The following OPHN1 variants were observed in gnomAD, a reference collection of about 807,000 sequenced individuals.
OPHN1 encodes the protein oligophrenin 1.
OPHN1 carries 11 observed loss-of-function variants against 60.7 expected under a neutral mutation model. That is an observed-to-expected ratio of 0.18 (90% confidence interval 0.11 to 0.30). The LOEUF is 0.30. OPHN1 is among the 10% of genes least tolerant of loss of function. OPHN1 has a pLI of 1.00. For missense variants in OPHN1, 449 were observed against 611.0 expected (o/e 0.73, Z 2.80); for synonymous variants, 226 against 222.6 (o/e 1.02, Z -0.14).
At chrX:68,355,774 C>T (rs1184080292) in intron 2 of OPHN1, among the ~76,000 whole-genome samples, 1 of 112,169 alleles carries the variant, frequency 8.9e-6, no homozygotes, top group Non-Finnish European at 1.9e-5. Flanking sequence ...TGCTGACTCA[C>T]ACCTGTAATC....
intron 15 of OPHN1, among the ~76,000 whole-genome samples, chrX:68,175,316 G>A (rs1217033349): frequency 9.0e-6 from 1 of 110,974 alleles, no homozygotes; most frequent in African/African-American, 3.3e-5. Context: ...TATTTTGAAA[G>A]GCAGAGAGAA....
chrX:68,397,524 A>ATTTTTTT (rs753432008), intron 2 of OPHN1, among the ~76,000 whole-genome samples: 1 of 31,556 alleles, frequency 3.2e-5, no homozygotes, highest in Non-Finnish European at 6.7e-5. Context: ...TTATTTATTT[A>ATTTTTTT]TTTTTTTTTT....
intron 2 of OPHN1, among the ~76,000 whole-genome samples, chrX:68,396,302 C>T (rs2078683378): frequency 9.9e-6 from 1 of 101,106 alleles, no homozygotes; most frequent in African/African-American, 3.6e-5. Flanking sequence ...CGGTGGCACA[C>T]GCCTGTGGTC....
At chrX:68,165,615 A>G (rs1052873064) in intron 15 of OPHN1, among the ~76,000 whole-genome samples, 2 of 112,303 alleles carry the variant, frequency 1.8e-5, no homozygotes, top group African/African-American at 6.5e-5. Context: ...GTAAAGTTTG[A>G]AATATTCCAA....
At chrX:68,267,751 T>G (rs753820261) in intron 5 of OPHN1, among the ~76,000 whole-genome samples, 2 of 111,731 alleles carry the variant, frequency 1.8e-5, no homozygotes, top group East Asian at 5.7e-4. Flanking sequence ...AGGAGCTGGT[T>G]TTTTGAAAAG....
chrX:68,350,470 TCCTC>T (rs376843734), intron 2 of OPHN1, among the ~76,000 whole-genome samples: 3,166 of 66,383 alleles, frequency 0.048, 291 homozygotes, highest in African/African-American at 0.22. Context: ...CTTCCTTCCT[TCCTC>T]CCTCCCTCCC....
chrX:68,082,839 G>A (rs1183503373), intron 19 of OPHN1, among the ~76,000 whole-genome samples: 1 of 111,534 alleles, frequency 9.0e-6, no homozygotes, highest in Non-Finnish European at 1.9e-5. Flanking sequence ...TTGCAGCTAT[G>A]AAAGTCCTAC....
chrX:68,217,652 C>A (rs950277004), intron 6 of OPHN1, among the ~76,000 whole-genome samples: 2 of 110,319 alleles, frequency 1.8e-5, no homozygotes, highest in African/African-American at 6.6e-5. Flanking sequence ...CTGGGAGGCA[C>A]CCCCCAGCAG....
chrX:68,315,275 G>T (rs2078194233), intron 2 of OPHN1, among the ~76,000 whole-genome samples: 1 of 108,927 alleles, frequency 9.2e-6, no homozygotes, highest in Non-Finnish European at 1.9e-5. Flanking sequence ...AAAGAAAGAG[G>T]GGGGAGAAGG....
At chrX:68,233,846 T>C (rs1484816986) in intron 6 of OPHN1, among the ~76,000 whole-genome samples, 2 of 111,436 alleles carry the variant, frequency 1.8e-5, no homozygotes, top group African/African-American at 6.5e-5. Flanking sequence ...AAGCACCATA[T>C]ACACATTAAA....
chrX:68,308,301 A>G (rs1276578625), intron 2 of OPHN1, among the ~76,000 whole-genome samples: 2 of 112,207 alleles, frequency 1.8e-5, no homozygotes, highest in Non-Finnish European at 3.8e-5. Context: ...CACAAAAAAT[A>G]AATTGGCTGG....
At chrX:68,216,348 TAGA>T (rs2077608807) in intron 6 of OPHN1, among the ~76,000 whole-genome samples, 1 of 110,907 alleles carries the variant, frequency 9.0e-6, no homozygotes, top group Non-Finnish European at 1.9e-5. Context: ...AAACAATAAG[TAGA>T]AGATGGTAAA....
intron 18 of OPHN1, among the ~76,000 whole-genome samples, 163 bp downstream of exon 18, chrX:68,111,691 T>C (rs1004987382): frequency 8.9e-6 from 1 of 111,862 alleles, no homozygotes; most frequent in Non-Finnish European, 1.9e-5. Context: ...AGAGGATATG[T>C]ACATGGGTCA....
rs192528812 is a variant in OPHN1 at position 68,307,217 on chromosome X, G to A, written c.155-8121C>T. On this transcript the variant is annotated intron_variant, in intron 2 of 24. Transcript: ENST00000355520. The stretch of plus-strand genomic sequence containing the variant: ...AGCACTTTGGGAAGCTGAGGCATGC[G>A]GATTGCCTGAAGCTCAGGAGTTCAA... 1.5e-3 allele frequency among the ~76,000 whole-genome samples: 164 copies of A among 109,876 alleles called. 1 individual carries two copies. In the East Asian group the frequency reaches 0.028, roughly 19 times the overall value.
intron 18 of OPHN1, among the ~76,000 whole-genome samples, chrX:68,108,942 A>G (rs2077092965): frequency 9.0e-6 from 1 of 111,643 alleles, no homozygotes; most frequent in Non-Finnish European, 1.9e-5. Context: ...CCTCCACCCT[A>G]CTTACCACAC....
At chrX:68,048,009 T>C (rs2076837856) in intron 24 of OPHN1, among the ~76,000 whole-genome samples, 2 of 111,646 alleles carry the variant, frequency 1.8e-5, no homozygotes, top group African/African-American at 6.5e-5. Context: ...TCAGAAAGCA[T>C]GTTCCTGGTT....
At chrX:68,219,890 C>A (rs1444831920) in intron 6 of OPHN1, among the ~76,000 whole-genome samples, 77 of 94,683 alleles carry the variant, frequency 8.1e-4, no homozygotes, top group African/African-American at 2.9e-3. Flanking sequence ...TAAGAGCAAA[C>A]ACATTCAAAA....
At chrX:68,279,946 G>T (rs764126487) in intron 4 of OPHN1, among the ~76,000 whole-genome samples, 3 of 111,995 alleles carry the variant, frequency 2.7e-5, no homozygotes, top group Non-Finnish European at 5.6e-5. Context: ...GTAAATAAAA[G>T]AGATGGAGAA....
chrX:68,109,923 G>A (rs2073839550), intron 18 of OPHN1, among the ~76,000 whole-genome samples: 1 of 110,325 alleles, frequency 9.1e-6, no homozygotes, highest in African/African-American at 3.3e-5. Flanking sequence ...CCAATCTTTT[G>A]CTTTTGAAAA....
Sources: allele counts gnomAD v4.1 joint callset (sites outside exome capture counted in the v4.1 genomes callset), GRCh38; gene constraint gnomAD v4.1.1; transcripts MANE v1.5; gene names NCBI Gene and HGNC (gene_info 2026-07-23, HGNC 2026-07-21).